The following UHRF2 variants were observed in gnomAD, a reference collection of about 807,000 sequenced individuals.
UHRF2 encodes E3 ubiquitin-protein ligase UHRF2.
A neutral mutation model predicts 96.8 loss-of-function variants in UHRF2; 23 were observed. The ratio of observed to expected loss-of-function variants is 0.24; its 90% CI spans 0.17 to 0.34. UHRF2 has a LOEUF of 0.34. Ranked by LOEUF, UHRF2 falls within the 10% of genes least tolerant of loss-of-function variation. The pLI, the probability that UHRF2 is intolerant of heterozygous loss-of-function variation, is 1.00. For synonymous variants in UHRF2, 385 were observed against 332.6 expected, an observed-to-expected ratio of 1.16 and a Z score of -1.72; for missense variants, 685 against 981.5, an observed-to-expected ratio of 0.70 and a Z score of 4.04.
At chr9:6,413,731 C>T in intron 1 of UHRF2, 88 bp downstream of exon 1, 1 of 1,330,520 alleles carries the variant, frequency 7.5e-7, no homozygotes, top group Non-Finnish European at 9.6e-7. Context: ...GCTCTGTGCG[C>T]CGCGCGCGCA....
intron 5 of UHRF2, among the ~76,000 whole-genome samples, chr9:6,475,756 A>G (rs886065950): frequency 2.0e-5 from 3 of 152,180 alleles, no homozygotes; most frequent in African/African-American, 4.8e-5. Context: ...TTATGGATAT[A>G]TAATAGTTGT....
At chr9:6,474,673 T>C (rs1327417818) in intron 4 of UHRF2, among the ~76,000 whole-genome samples, 1 of 152,154 alleles carries the variant, frequency 6.6e-6, no homozygotes, top group Non-Finnish European at 1.5e-5. Flanking sequence ...ACCACTGCAC[T>C]CCAGCCTGGT....
At chr9:6,489,722 G>GTTT (rs1273706902) in intron 9 of UHRF2, among the ~76,000 whole-genome samples, 11 of 134,574 alleles carry the variant, frequency 8.2e-5, no homozygotes, top group African/African-American at 2.5e-4. Context: ...TTCTAATTGG[G>GTTT]TTTTTGTTTT....
intron 3 of UHRF2, chr9:6,449,502 C>G (rs1233207305): frequency 6.6e-6 from 1 of 152,210 alleles, no homozygotes; most frequent in Non-Finnish European, 1.5e-5. Flanking sequence ...ATCTTGTCGT[C>G]TGTTTCCCAG....
rs530168216 is a variant in UHRF2, at chr9:6,471,003, A to G, written c.864-4388A>G. Among the ~76,000 whole-genome samples, 5 of 152,326 alleles carry G rather than the reference A, an allele frequency of 3.3e-5. No homozygotes were observed. The South Asian group carries it at 1.0e-3, about 32-fold the overall frequency. On this transcript the variant is annotated intron_variant, in intron 4 of 15. Coordinates refer to ENST00000276893, the MANE Select transcript of UHRF2 (RefSeq NM_152896.3). ...ACTAGATTAAAATAAAAAAATCCAC[A>G]TGCTACTCTTAAGAAAGACTCCTTA...
intron 4 of UHRF2, among the ~76,000 whole-genome samples, chr9:6,463,622 C>T (rs1225015320): frequency 1.3e-5 from 2 of 152,004 alleles, no homozygotes; most frequent in African/African-American, 4.8e-5. Flanking sequence ...AGGCGCATGC[C>T]ACCATGCCCA....
intron 2 of UHRF2, among the ~76,000 whole-genome samples, chr9:6,432,240 C>A (rs1254574501): frequency 6.6e-6 from 1 of 152,122 alleles, no homozygotes. Context: ...GTCTTTCAAG[C>A]TATTTCATTG....
chr9:6,460,563 C>T lies in UHRF2; in HGVS notation c.645-10C>T, dbSNP rs536052802. The T allele has an allele frequency of 6.3e-7, 1 of 1,586,020 alleles. No individual in the cohort carries two copies. Among genetic ancestry groups the T allele is most frequent in the African/African-American group, 1.4e-5 (1 of 73,966 alleles). On this transcript the variant is annotated splice_polypyrimidine_tract_variant and intron_variant, in intron 3 of 15. Transcript: ENST00000276893. Reference sequence around the variant, plus strand: ...GTAATCATAAGCCATATGGTTTTCTCTCTCCTCAGATACCCAGAAAGCGGT... The same window carrying T: ...GTAATCATAAGCCATATGGTTTTCTTTCTCCTCAGATACCCAGAAAGCGGT...
At chr9:6,414,008 C>T (rs1819443600) in intron 1 of UHRF2, 1 of 176,222 alleles carries the variant, frequency 5.7e-6, no homozygotes, top group South Asian at 1.9e-4. Flanking sequence ...GCAGAGGGCT[C>T]TGGCGGCCAT....
At chr9:6,482,535 AT>A (rs1823987047) in intron 8 of UHRF2, among the ~76,000 whole-genome samples, 2 of 152,096 alleles carry the variant, frequency 1.3e-5, no homozygotes, top group African/African-American at 2.4e-5. Context: ...TAATCCAAGA[AT>A]AAAATAATTT....
intron 2 of UHRF2, among the ~76,000 whole-genome samples, chr9:6,424,018 A>G (rs922298405): frequency 4.6e-5 from 7 of 151,172 alleles, no homozygotes; most frequent in Non-Finnish European, 1.0e-4. Context: ...TTTTAAACAC[A>G]TTCTATACCG....
At chr9:6,446,735 C>T (rs944663084) in intron 3 of UHRF2, among the ~76,000 whole-genome samples, 1 of 151,810 alleles carries the variant, frequency 6.6e-6, no homozygotes, top group African/African-American at 2.4e-5. Context: ...GTCCCAGCTA[C>T]TTGGGAGACT....
chr9:6,413,245 T>TA lies in UHRF2; in HGVS notation c.-246_-245insA, dbSNP rs946079439. The TA allele has an allele frequency of 1.1e-5, 2 of 187,984 alleles. No homozygotes were observed. The highest frequency in any genetic ancestry group is 4.7e-5 in the African/African-American group (2 of 42,442). The allele number at this position is 187,984 out of a possible 1,614,324, so 11.6% of individuals were successfully genotyped here. A position where few individuals can be genotyped will look rare whatever the true frequency, so the allele number is the denominator to read the frequency against. On this transcript the variant is annotated 5_prime_UTR_variant, in exon 1 of 16. An upstream open reading frame in the 5' UTR loses its in-frame stop. Coordinates refer to ENST00000276893, the MANE Select transcript of UHRF2 (RefSeq NM_152896.3). ...CGCAGACATGGCCTCTTCCTATCTT[T>TA]GAGGCGGTGTCTGCGGCAGCGCCTC...
intron 3 of UHRF2, among the ~76,000 whole-genome samples, chr9:6,435,617 T>C (rs1476781116): frequency 4.6e-5 from 7 of 152,116 alleles, no homozygotes; most frequent in Non-Finnish European, 1.0e-4. Context: ...TATTTATTTA[T>C]TTATTTAGAG....
At chr9:6,468,550 C>T (rs1187269276) in intron 4 of UHRF2, 1 of 455,978 alleles carries the variant, frequency 2.2e-6, no homozygotes, top group South Asian at 1.5e-5. Context: ...ATTCTGGATG[C>T]AGTGTAAAAT....
chr9:6,453,914 A>G (rs1224900770), intron 3 of UHRF2, among the ~76,000 whole-genome samples: 2 of 152,116 alleles, frequency 1.3e-5, no homozygotes, highest in Non-Finnish European at 2.9e-5. Context: ...CAAAAAAAGA[A>G]AAAAAGTAGG....
intron 12 of UHRF2, 65 bp from the exon 13 acceptor site, chr9:6,499,770 T>A (rs1011289585): frequency 5.5e-6 from 6 of 1,096,730 alleles, no homozygotes; most frequent in Non-Finnish European, 7.8e-6. Context: ...CTCACCAGGA[T>A]CTAAACCCCC....
At chr9:6,455,369 A>G (rs993039135) in intron 3 of UHRF2, among the ~76,000 whole-genome samples, 15 of 152,092 alleles carry the variant, frequency 9.9e-5, no homozygotes, top group Middle Eastern at 6.8e-3. Context: ...ATTCCCACCT[A>G]TGAGTGAGAG....
At chr9:6,500,489 T>A (rs540258689) in intron 13 of UHRF2, 63 bp from the exon 14 acceptor site, 3 of 1,412,756 alleles carry the variant, frequency 2.1e-6, no homozygotes, top group Non-Finnish European at 2.9e-6. Context: ...TTAACTCTTT[T>A]GTTTCATAGT....
Sources: gnomAD v4.1 joint callset for allele counts (sites outside exome capture counted in the v4.1 genomes callset) on GRCh38, gnomAD v4.1.1 for gene constraint, MANE v1.5 for transcripts, NCBI Gene and HGNC (gene_info 2026-07-23, HGNC 2026-07-21) for gene names.